The following ANO10 variants were observed in gnomAD, a reference collection of about 807,000 sequenced individuals.
ANO10 encodes the protein anoctamin-10.
A neutral mutation model predicts 74.7 loss-of-function variants in ANO10; 77 were observed. The observed-to-expected ratio is 1.03, with a 90% CI of 0.86 to 1.25. ANO10 has a LOEUF of 1.25. Ranked by LOEUF, ANO10 falls within the 50% of genes most tolerant of loss-of-function variation. The probability of loss-of-function intolerance (pLI) is 0.00; values close to 1 mark genes in which losing one functional copy is unlikely to be tolerated. For missense variants in ANO10, 721 were observed against 778.1 expected (o/e 0.93, Z 0.87); for synonymous variants, 279 against 284.9 (o/e 0.98, Z 0.21).
At chr3:43,489,260 T>G (rs564339919) in intron 11 of ANO10, among the ~76,000 whole-genome samples, 31 of 151,858 alleles carry the variant, frequency 2.0e-4, no homozygotes, top group African/African-American at 7.2e-4. Context: ...GCATGGCACA[T>G]GTATACATAT....
intron 11 of ANO10, among the ~76,000 whole-genome samples, chr3:43,514,823 A>C (rs1559636201): frequency 1.3e-5 from 2 of 152,238 alleles, no homozygotes; most frequent in African/African-American, 4.8e-5. Context: ...TAGCAAAAAG[A>C]TATTTGGAAA....
chr3:43,600,731 G>C, intron 2 of ANO10, 150 bp from the exon 3 acceptor site: 1 of 706,760 alleles, frequency 1.4e-6, no homozygotes, highest in Non-Finnish European at 2.4e-6. Context: ...AATAACATAA[G>C]TACATTAGGG....
At position 43,591,795 on chromosome 3, in the gene ANO10, G is replaced by A. The variant is rs149865460; in HGVS notation, c.472+6737C>T. On this transcript the variant is annotated intron_variant, in intron 4 of 12. Transcript: ENST00000292246. ...CGCACGGACAGAGCCGAAGCAGGGCGAGGAATCACCTCACCCAGGAAGCAC... is the reference window on the plus strand; with the variant it reads ...CGCACGGACAGAGCCGAAGCAGGGCAAGGAATCACCTCACCCAGGAAGCAC... 7.8e-4 allele frequency among the ~76,000 whole-genome samples: 119 copies of A among 152,334 alleles called. 1 individual carries two copies. Among genetic ancestry groups the A allele is most frequent in the African/African-American group, 2.7e-3 (113 of 41,586 alleles).
chr3:43,400,763 G>T (rs1036140939), intron 12 of ANO10, among the ~76,000 whole-genome samples: 3 of 152,104 alleles, frequency 2.0e-5, no homozygotes, highest in Admixed American at 6.5e-5. Flanking sequence ...CTGGGAGAGT[G>T]AGACCCTGTC....
At chr3:43,610,739 G>A (rs1470868248) in intron 1 of ANO10, among the ~76,000 whole-genome samples, 1 of 152,224 alleles carries the variant, frequency 6.6e-6, no homozygotes, top group African/African-American at 2.4e-5. Flanking sequence ...TATTTTAGTA[G>A]ATTGCTGAAT....
At chr3:43,452,000 C>T (rs2074898443) in intron 11 of ANO10, among the ~76,000 whole-genome samples, 1 of 152,038 alleles carries the variant, frequency 6.6e-6, no homozygotes, top group African/African-American at 2.4e-5. Flanking sequence ...TTATTTTTGG[C>T]TATTCTAAAG....
At chr3:43,653,843 G>A (rs1440570448) in intron 1 of ANO10, among the ~76,000 whole-genome samples, 1 of 152,014 alleles carries the variant, frequency 6.6e-6, no homozygotes, top group African/African-American at 2.4e-5. Context: ...CCTTCGGACA[G>A]AAGTTGCTTG....
intron 12 of ANO10, among the ~76,000 whole-genome samples, chr3:43,415,743 T>C (rs956233384): frequency 6.6e-6 from 1 of 152,086 alleles, no homozygotes; most frequent in African/African-American, 2.4e-5. Flanking sequence ...AGTTTCACCA[T>C]GTTGGCCAGG....
chr3:43,682,119 C>A (rs528749985), intron 1 of ANO10, among the ~76,000 whole-genome samples: 49 of 152,154 alleles, frequency 3.2e-4, no homozygotes, highest in African/African-American at 1.1e-3. Context: ...AAAAACCCTT[C>A]AAAAAATCAA....
At chr3:43,466,083 G>A (rs908089434) in intron 11 of ANO10, among the ~76,000 whole-genome samples, 1 of 151,952 alleles carries the variant, frequency 6.6e-6, no homozygotes, top group African/African-American at 2.4e-5. Context: ...TAAAACAACA[G>A]TAATTGGGCT....
chr3:43,672,204 T>C (rs889309307), intron 1 of ANO10, among the ~76,000 whole-genome samples: 2 of 152,136 alleles, frequency 1.3e-5, no homozygotes, highest in Non-Finnish European at 2.9e-5. Flanking sequence ...TGACAATCAT[T>C]ACGATTTGTG....
intron 1 of ANO10, chr3:43,690,763 G>A (rs1483870224): frequency 2.3e-6 from 1 of 432,532 alleles, no homozygotes; most frequent in Non-Finnish European, 4.0e-6. Context: ...GCTTACACCC[G>A]GGAGCGTCGG....
intron 11 of ANO10, among the ~76,000 whole-genome samples, chr3:43,472,815 C>G (rs964983601): frequency 2.6e-5 from 4 of 152,108 alleles, no homozygotes; most frequent in African/African-American, 9.7e-5. Context: ...GGAGACTATC[C>G]TTATTCTTAG....
At chr3:43,645,078 A>G (rs528016583) in intron 1 of ANO10, among the ~76,000 whole-genome samples, 14 of 152,350 alleles carry the variant, frequency 9.2e-5, no homozygotes, top group African/African-American at 3.4e-4. Context: ...AAGCCAATAA[A>G]CAGTCAAGGA....
intron 11 of ANO10, among the ~76,000 whole-genome samples, chr3:43,512,776 C>G (rs565957383): frequency 2.5e-4 from 38 of 152,206 alleles, no homozygotes; most frequent in African/African-American, 9.2e-4. Context: ...AACCCTTCCA[C>G]CCGAAACAAC....
chr3:43,567,934 A>G (rs550877982), intron 7 of ANO10, among the ~76,000 whole-genome samples: 2 of 152,256 alleles, frequency 1.3e-5, no homozygotes, highest in African/African-American at 2.4e-5. Flanking sequence ...GTATTCAGGA[A>G]ACCCATCTCA....
intron 11 of ANO10, among the ~76,000 whole-genome samples, chr3:43,439,958 T>C (rs1407915653): frequency 6.6e-6 from 1 of 152,142 alleles, no homozygotes; most frequent in African/African-American, 2.4e-5. Flanking sequence ...TTTTTTTGCA[T>C]GCTACTGAAG....
chr3:43,571,241 T>G (rs868475176), intron 7 of ANO10, among the ~76,000 whole-genome samples: 1 of 152,042 alleles, frequency 6.6e-6, no homozygotes. Context: ...TTGGTGGGAC[T>G]GTAAACTAGT....
chr3:43,528,971 C>T (rs1015511625), intron 11 of ANO10, among the ~76,000 whole-genome samples: 5 of 151,974 alleles, frequency 3.3e-5, no homozygotes, highest in African/African-American at 1.2e-4. Context: ...AAAAAACCCA[C>T]ATAAACAAAC....
Sources: gnomAD v4.1 joint callset for allele counts (sites outside exome capture counted in the v4.1 genomes callset) on GRCh38, gnomAD v4.1.1 for gene constraint, MANE v1.5 for transcripts, NCBI Gene and HGNC (gene_info 2026-07-23, HGNC 2026-07-21) for gene names.